Variants in CUL4A observed in about 807,000 individuals in gnomAD.
CUL4A encodes the protein cullin-4A.
Under a neutral mutation model 95.5 loss-of-function variants are expected in CUL4A, and 16 were observed. That is an observed-to-expected ratio of 0.17 (90% CI 0.11 to 0.25). CUL4A has a LOEUF of 0.25. CUL4A is among the 10% of genes least tolerant of loss of function. The pLI is 1.00. For synonymous variants in CUL4A, 380 were observed against 353.1 expected, an observed-to-expected ratio of 1.08 and a Z score of -0.85; for missense variants, 610 against 937.0, an observed-to-expected ratio of 0.65 and a Z score of 4.56.
chr13:113,241,015 T>C (rs1172597327), intron 10 of CUL4A, among the ~76,000 whole-genome samples: 2 of 152,222 alleles, frequency 1.3e-5, no homozygotes, highest in African/African-American at 4.8e-5. Context: ...AGATAAAGCT[T>C]ACATGCTGCT....
At chr13:113,254,835 T>C (rs1166505872) in intron 17 of CUL4A, 37 bp downstream of exon 17, 2 of 1,592,436 alleles carry the variant, frequency 1.3e-6, no homozygotes, top group Admixed American at 1.7e-5. Flanking sequence ...CCATGAGTTG[T>C]TCTTAAAGCA....
intron 3 of CUL4A, among the ~76,000 whole-genome samples, chr13:113,224,213 C>T (rs371691510): frequency 3.9e-5 from 6 of 152,080 alleles, no homozygotes; most frequent in African/African-American, 7.2e-5. Flanking sequence ...ATTAGCCGGG[C>T]GTGGTGGCGG....
chr13:113,214,017 G>C (rs1477158082), intron 2 of CUL4A, among the ~76,000 whole-genome samples: 1 of 152,242 alleles, frequency 6.6e-6, no homozygotes, highest in Non-Finnish European at 1.5e-5. Context: ...CATTTGACTT[G>C]GTGTTTCAAA....
At chr13:113,217,276 A>G (rs527785381) in intron 2 of CUL4A, among the ~76,000 whole-genome samples, 11 of 152,344 alleles carry the variant, frequency 7.2e-5, no homozygotes, top group African/African-American at 2.4e-4. Context: ...TGAGGAGACA[A>G]AAGGATGGCA....
At chr13:113,260,524 C>T in intron 18 of CUL4A, 83 bp from the exon 19 acceptor site, 1 of 1,272,634 alleles carries the variant, frequency 7.9e-7, no homozygotes, top group Non-Finnish European at 1.1e-6. Flanking sequence ...CACTCTAGCC[C>T]AGGCAACTGA....
At chr13:113,234,903 C>T (rs771205382) in intron 7 of CUL4A, among the ~76,000 whole-genome samples, 160 bp from the exon 8 acceptor site, 1 of 152,202 alleles carries the variant, frequency 6.6e-6, no homozygotes, top group Admixed American at 6.5e-5. Context: ...CACACATTTC[C>T]GTCCTACCTC....
In CUL4A at chr13:113,263,771, C is replaced by T. The variant is rs1595443108; in HGVS notation, c.*189C>T. 8 of 412,486 alleles carry T rather than the reference C, an allele frequency of 1.9e-5. 1 individual carries two copies. In the East Asian group the frequency reaches 2.9e-4, roughly 15 times the overall value. The allele number at this position is 412,486 out of a possible 1,614,324, so 25.6% of individuals were successfully genotyped here. A position where few individuals can be genotyped will look rare whatever the true frequency, so the allele number is the denominator to read the frequency against. On this transcript the variant is annotated 3_prime_UTR_variant, in exon 20 of 20. Transcript: ENST00000375440. Reference sequence around the variant, plus strand: ...AACCTGCAGATGTATCTTTTTCCCTCCAGTTTTTCCTCTAGTTCTTTTAGG... The same window carrying T: ...AACCTGCAGATGTATCTTTTTCCCTTCAGTTTTTCCTCTAGTTCTTTTAGG...
chr13:113,232,510 T>C (rs954738032), intron 5 of CUL4A, among the ~76,000 whole-genome samples: 14 of 152,192 alleles, frequency 9.2e-5, no homozygotes, highest in Non-Finnish European at 1.5e-5. Context: ...GGCCCCTCCT[T>C]AATGGCGTAC....
At chr13:113,229,973 G>C in intron 5 of CUL4A, 1 of 336,456 alleles carries the variant, frequency 3.0e-6, no homozygotes, top group East Asian at 4.5e-5. Context: ...TTCGGGGACT[G>C]TATACACCAG....
At position 113,224,822 on chromosome 13, in the gene CUL4A, C is replaced by T. The variant is rs190859701; in HGVS notation, c.369-3154C>T. ...CAAGAGAACCCTGTTAATGCTCGGC[C>T]AGATCAGAGGAGACAAAACAAGCAC... On this transcript the variant is annotated intron_variant, in intron 3 of 19. Coordinates refer to ENST00000375440, the MANE Select transcript of CUL4A (RefSeq NM_001008895.4). Among the ~76,000 whole-genome samples, 64 of 152,294 alleles carry T rather than the reference C, an allele frequency of 4.2e-4. 1 individual carries two copies. In the East Asian group the frequency reaches 0.012, roughly 28 times the overall value.
intron 2 of CUL4A, among the ~76,000 whole-genome samples, chr13:113,212,934 C>G (rs569755645): frequency 2.0e-4 from 31 of 152,232 alleles, no homozygotes; most frequent in Non-Finnish European, 3.8e-4. Flanking sequence ...GGTGTGTTGG[C>G]CCCCCAGCTT....
In CUL4A at chr13:113,233,905, A is replaced by G; in HGVS notation, c.684A>G (p.Lys228=). 2 of 1,579,648 alleles carry G rather than the reference A, an allele frequency of 1.3e-6. No homozygotes were observed. The highest frequency in any genetic ancestry group is 1.7e-6 in the Non-Finnish European group (2 of 1,149,166). Residue 228 remains lysine (K), a synonymous_variant, in exon 7 of 20, where the codon AAA becomes AAG. Coordinates refer to ENST00000375440, the MANE Select transcript of CUL4A (RefSeq NM_001008895.4). ...LGMLSDLQVY[K]DSFELKFLEE... ...CTCTGCTTGTTTCTTAGGTGTATAA[A>G]GATTCATTTGAACTGAAATTTTTGG...
intron 15 of CUL4A, among the ~76,000 whole-genome samples, chr13:113,251,135 C>G (rs1595419381): frequency 6.6e-6 from 1 of 152,190 alleles, no homozygotes; most frequent in Non-Finnish European, 1.5e-5. Flanking sequence ...GCCCTGTGAG[C>G]CCCTGTCCGG....
intron 2 of CUL4A, among the ~76,000 whole-genome samples, chr13:113,210,956 G>C (rs1003091562): frequency 6.6e-5 from 10 of 152,210 alleles, no homozygotes; most frequent in African/African-American, 2.4e-4. Context: ...AGTGGATGAT[G>C]TTTTCTTACC....
intron 5 of CUL4A, among the ~76,000 whole-genome samples, chr13:113,230,884 C>T (rs1241932788): frequency 2.6e-5 from 4 of 152,126 alleles, no homozygotes; most frequent in South Asian, 2.1e-4. Flanking sequence ...GATCTTCCTG[C>T]GTTGGCCTCC....
chr13:113,229,941 T>C (rs2041249999), intron 5 of CUL4A: 2 of 403,854 alleles, frequency 5.0e-6, no homozygotes, highest in African/African-American at 4.1e-5. Flanking sequence ...CCTGAGCACA[T>C]AGCACTCATC....
rs1566343470 is a variant in CUL4A at position 113,232,156 on chromosome 13, TGCCACCACTACCCGCC to T, written c.513-1020_513-1005del. ...ACTACCCGCCCACCACCATTACTGCTGCCACCACTACCCGCCCACCACCATTACTGCTGCCACCACT... is the reference window on the plus strand; with the variant it reads ...ACTACCCGCCCACCACCATTACTGCTCACCACCATTACTGCTGCCACCACT... On this transcript the variant is annotated intron_variant, in intron 5 of 19. Transcript: ENST00000375440. Among the ~76,000 whole-genome samples, 20 of 51,256 alleles carry T rather than the reference TGCCACCACTACCCGCC, an allele frequency of 3.9e-4. 2 individuals are homozygous for T. The highest frequency in any genetic ancestry group is 5.6e-4 in the South Asian group (1 of 1,792). 33.6% of individuals were successfully genotyped at this position (51,256 alleles called of 152,430 possible).
intron 9 of CUL4A, 137 bp downstream of exon 9, chr13:113,237,027 T>C (rs2041567235): frequency 4.9e-6 from 3 of 615,456 alleles, no homozygotes; most frequent in Admixed American, 3.4e-5. Context: ...TCTTTTCTAA[T>C]GAACATGTTA....
At chr13:113,229,361 C>T in intron 4 of CUL4A, 85 bp from the exon 5 acceptor site, 1 of 1,109,216 alleles carries the variant, frequency 9.0e-7, no homozygotes, top group Non-Finnish European at 1.3e-6. Flanking sequence ...GGATTTGAGA[C>T]AGCTAGCATG....
Sources: allele counts gnomAD v4.1 joint callset (sites outside exome capture counted in the v4.1 genomes callset), GRCh38; gene constraint gnomAD v4.1.1; transcripts MANE v1.5; gene names NCBI Gene and HGNC (gene_info 2026-07-23, HGNC 2026-07-21).